Variants in KCNH7 observed in about 807,000 individuals in gnomAD.
The protein encoded by KCNH7 is voltage-gated inwardly rectifying potassium channel KCNH7.
A neutral mutation model predicts 120.8 loss-of-function variants in KCNH7; 49 were observed. The ratio of observed to expected loss-of-function variants is 0.41; its 90% CI spans 0.32 to 0.51. The LOEUF is 0.51. Ranked by LOEUF, KCNH7 falls within the 20% of genes least tolerant of loss-of-function variation. The probability of loss-of-function intolerance (pLI) is 0.38; values close to 1 mark genes in which losing one functional copy is unlikely to be tolerated. For missense variants in KCNH7, 1,097 were observed against 1,446.6 expected (o/e 0.76, Z 3.92); for synonymous variants, 547 against 516.1 (o/e 1.06, Z -0.81).
At chr2:162,604,408 C>T (rs767292765) in intron 2 of KCNH7, among the ~76,000 whole-genome samples, 14 of 151,990 alleles carry the variant, frequency 9.2e-5, no homozygotes, top group Admixed American at 6.6e-5. Context: ...GATTTATAGA[C>T]TATTGCCATT....
intron 9 of KCNH7, among the ~76,000 whole-genome samples, chr2:162,418,017 T>C (rs1474467558): frequency 1.3e-5 from 2 of 152,196 alleles, no homozygotes; most frequent in Admixed American, 6.6e-5. Flanking sequence ...TCATGAGTGA[T>C]AAATTTGTGT....
At chr2:162,439,521 T>C (rs775464294) in intron 7 of KCNH7, among the ~76,000 whole-genome samples, 42 of 152,132 alleles carry the variant, frequency 2.8e-4, no homozygotes, top group Non-Finnish European at 3.4e-4. Context: ...ATCTCAGAAC[T>C]CAACTTATTT....
intron 2 of KCNH7, among the ~76,000 whole-genome samples, chr2:162,641,059 T>A (rs1196523121): frequency 6.6e-6 from 1 of 152,124 alleles, no homozygotes; most frequent in Admixed American, 6.6e-5. Context: ...AAAAACTAGA[T>A]CATTCAGACA....
At chr2:162,602,737 G>T (rs1468834413) in intron 2 of KCNH7, among the ~76,000 whole-genome samples, 1 of 151,474 alleles carries the variant, frequency 6.6e-6, no homozygotes, top group Non-Finnish European at 1.5e-5. Context: ...ATATTATATT[G>T]AACTGTGGTT....
At chr2:162,538,730 T>C (rs970393231) in intron 2 of KCNH7, among the ~76,000 whole-genome samples, 13 of 152,006 alleles carry the variant, frequency 8.6e-5, no homozygotes, top group East Asian at 1.9e-4. Context: ...GAGGACTTCA[T>C]AGGGGAGGGA....
intron 2 of KCNH7, among the ~76,000 whole-genome samples, chr2:162,627,772 T>C (rs956411583): frequency 5.9e-5 from 9 of 152,292 alleles, no homozygotes; most frequent in African/African-American, 1.2e-4. Flanking sequence ...AATTGAATGA[T>C]TGACATAGTC....
chr2:162,826,439 T>A (rs1559152036), intron 2 of KCNH7, among the ~76,000 whole-genome samples: 1 of 152,132 alleles, frequency 6.6e-6, no homozygotes, highest in Non-Finnish European at 1.5e-5. Context: ...CCTTTTCCCT[T>A]CTAGGCTAAC....
intron 6 of KCNH7, among the ~76,000 whole-genome samples, chr2:162,477,372 C>A (rs1259529352): frequency 6.7e-6 from 1 of 148,230 alleles, no homozygotes; most frequent in Non-Finnish European, 1.5e-5. Flanking sequence ...GAGCACAAAG[C>A]TGCCTGGCAG....
At chr2:162,392,043 C>T (rs1274214457) in intron 12 of KCNH7, among the ~76,000 whole-genome samples, 1 of 151,952 alleles carries the variant, frequency 6.6e-6, no homozygotes, top group Non-Finnish European at 1.5e-5. Flanking sequence ...ATTTATCAAC[C>T]ATTCTTTGCT....
intron 2 of KCNH7, among the ~76,000 whole-genome samples, chr2:162,766,908 A>ACAC (rs1682839245): frequency 7.2e-6 from 1 of 138,436 alleles, no homozygotes; most frequent in African/African-American, 2.7e-5. Flanking sequence ...CACACACATA[A>ACAC]ACACACATCA....
At chr2:162,585,429 A>C (rs1033621364) in intron 2 of KCNH7, among the ~76,000 whole-genome samples, 1 of 152,066 alleles carries the variant, frequency 6.6e-6, no homozygotes, top group Non-Finnish European at 1.5e-5. Flanking sequence ...CTGTTCAATA[A>C]AATGTAATAA....
Position 162,701,074 on chromosome 2 carries a change from C to A in KCNH7, c.307+135463G>T, listed in dbSNP as rs61204450. 5.4e-3 allele frequency among the ~76,000 whole-genome samples: 820 copies of A among 152,176 alleles called. 6 individuals are homozygous for A. The highest frequency in any genetic ancestry group is 0.019 in the African/African-American group (787 of 41,522). On this transcript the variant is annotated intron_variant, in intron 2 of 15. Coordinates refer to ENST00000332142, the MANE Select transcript of KCNH7 (RefSeq NM_033272.4). ...AAGGACAATCACATTGCATCCCTGG[C>A]CCCTTCAGAACTATTATAGTACAGT...
intron 2 of KCNH7, among the ~76,000 whole-genome samples, chr2:162,707,566 A>G (rs1686759412): frequency 6.6e-6 from 1 of 152,166 alleles, no homozygotes; most frequent in South Asian, 2.1e-4. Flanking sequence ...TTGTATCAAA[A>G]GAACAAAGGT....
At chr2:162,422,403 T>A (rs1040023254) in intron 9 of KCNH7, among the ~76,000 whole-genome samples, 7 of 152,190 alleles carry the variant, frequency 4.6e-5, no homozygotes, top group African/African-American at 1.7e-4. Context: ...ATATGAGTGC[T>A]TTTATTTTCT....
At chr2:162,558,128 A>G (rs1692923734) in intron 2 of KCNH7, among the ~76,000 whole-genome samples, 1 of 152,100 alleles carries the variant, frequency 6.6e-6, no homozygotes, top group Non-Finnish European at 1.5e-5. Flanking sequence ...ATACAGTCAG[A>G]TAGATAGTAA....
At chr2:162,835,284 A>G (rs1685619765) in intron 2 of KCNH7, among the ~76,000 whole-genome samples, 1 of 152,088 alleles carries the variant, frequency 6.6e-6, no homozygotes, top group Non-Finnish European at 1.5e-5. Context: ...ACTTCATGTT[A>G]AGGAAAATGT....
At chr2:162,557,538 A>G (rs750052466) in intron 2 of KCNH7, among the ~76,000 whole-genome samples, 2 of 152,216 alleles carry the variant, frequency 1.3e-5, no homozygotes, top group African/African-American at 2.4e-5. Context: ...ATATTGTTGC[A>G]GCTGTCTTTG....
At chr2:162,587,540 A>G (rs1451339922) in intron 2 of KCNH7, among the ~76,000 whole-genome samples, 1 of 152,136 alleles carries the variant, frequency 6.6e-6, no homozygotes, top group Non-Finnish European at 1.5e-5. Flanking sequence ...AAAATATAAG[A>G]TAGCAGAAGC....
At chr2:162,526,333 G>T (rs977368798) in intron 3 of KCNH7, among the ~76,000 whole-genome samples, 3 of 151,902 alleles carry the variant, frequency 2.0e-5, no homozygotes, top group African/African-American at 7.2e-5. Flanking sequence ...CATTGTCATT[G>T]ATAACATCTT....
Sources: gnomAD v4.1 joint callset for allele counts (sites outside exome capture counted in the v4.1 genomes callset) on GRCh38, gnomAD v4.1.1 for gene constraint, MANE v1.5 for transcripts, NCBI Gene and HGNC (gene_info 2026-07-23, HGNC 2026-07-21) for gene names.